The following FBXL2 variants were observed in gnomAD, a reference collection of about 807,000 sequenced individuals.
The protein encoded by FBXL2 is F-box/LRR-repeat protein 2.
FBXL2 carries 38 observed loss-of-function variants against 69.2 expected under a neutral mutation model. The ratio of observed to expected loss-of-function variants is 0.55; its 90% confidence interval spans 0.42 to 0.72. The LOEUF is 0.72. Among genes scored for constraint, FBXL2 ranks in the 30% least tolerant of loss-of-function variants. The pLI is 0.00. For synonymous variants in FBXL2, 192 were observed against 201.3 expected, an observed-to-expected ratio of 0.95 and a Z score of 0.39; for missense variants, 354 against 520.3, an observed-to-expected ratio of 0.68 and a Z score of 3.11.
the FBXL2 span, chr3:33,409,666 C>G: frequency 6.2e-7 from 1 of 1,600,022 alleles, no homozygotes; most frequent in Non-Finnish European, 8.6e-7. Flanking sequence ...CTATTTTGTT[C>G]CCTCTTGAGT....
At chr3:33,285,524 A>G (rs1003378494) in intron 1 of FBXL2, among the ~76,000 whole-genome samples, 7 of 152,066 alleles carry the variant, frequency 4.6e-5, no homozygotes, top group African/African-American at 1.2e-4. Context: ...GTGTCTTGGT[A>G]TTGCTCTTCT....
chr3:33,288,983 G>A (rs942105563), intron 1 of FBXL2, among the ~76,000 whole-genome samples: 4 of 152,148 alleles, frequency 2.6e-5, no homozygotes, highest in Admixed American at 6.5e-5. Flanking sequence ...GATGATTTGA[G>A]CCTGAGCAAG....
chr3:33,334,205 T>C (rs1404699074), intron 2 of FBXL2, among the ~76,000 whole-genome samples: 1 of 152,066 alleles, frequency 6.6e-6, no homozygotes, highest in Non-Finnish European at 1.5e-5. Context: ...CAAGAGAAAA[T>C]AGTCAATGTA....
In FBXL2 at chr3:33,373,263, G is replaced by A. The variant is rs760589936; in HGVS notation, c.363G>A (p.Thr121=). The A allele has an allele frequency of 2.4e-5, 38 of 1,613,924 alleles. No homozygotes were observed. The South Asian group carries it at 2.7e-4, about 12-fold the overall frequency. ...LNGCTKITDS[T]CYSLSRFCSK... is the part of the protein sequence containing the mutation. ...TAGTGCGTCTGCTCTTTTTCAGCAC[G>A]TGTTATAGCCTTAGCAGATTCTGTT... The change falls in exon 7 of 15, where the codon ACG becomes ACA. Residue 121 remains threonine, a synonymous_variant. Coordinates refer to ENST00000484457, the MANE Select transcript of FBXL2 (RefSeq NM_012157.5).
chr3:33,360,887 C>T (rs946779583), intron 4 of FBXL2, among the ~76,000 whole-genome samples: 1 of 147,566 alleles, frequency 6.8e-6, no homozygotes, highest in African/African-American at 2.5e-5. Flanking sequence ...CTTTTCCAAC[C>T]ATACAACTTT....
chr3:33,286,174 T>C (rs1179794392), intron 1 of FBXL2, among the ~76,000 whole-genome samples: 1 of 152,248 alleles, frequency 6.6e-6, no homozygotes, highest in Non-Finnish European at 1.5e-5. Context: ...TGGTTTTATC[T>C]ACCTTTGGTC....
rs1225480180 is a variant in FBXL2 at position 33,340,509 on chromosome 3, G to A, written c.66-18458G>A. On this transcript the variant is annotated intron_variant, in intron 2 of 14. Transcript: ENST00000484457. ...AAAGACAGCCAAGTAAACTGAAAGA[G>A]TTCTTTGAAAGGTACTCAGGAACCA... Among the ~76,000 whole-genome samples the A allele has an allele frequency of 2.1e-5, 3 of 145,838 alleles. No homozygotes were observed. In the East Asian group the frequency reaches 6.3e-4, roughly 30 times the overall value.
chr3:33,419,461 C>G, the FBXL2 span, among the ~76,000 whole-genome samples: 1 of 152,120 alleles, frequency 6.6e-6, no homozygotes. Flanking sequence ...AACCCCGTCT[C>G]TACTAAAAAT....
chr3:33,304,047 A>C (rs1166943149), intron 2 of FBXL2, among the ~76,000 whole-genome samples: 1 of 152,026 alleles, frequency 6.6e-6, no homozygotes, highest in Non-Finnish European at 1.5e-5. Flanking sequence ...TGCTAAATGT[A>C]TGTATTCACA....
intron 2 of FBXL2, among the ~76,000 whole-genome samples, chr3:33,324,389 C>T (rs1293083544): frequency 6.6e-6 from 1 of 152,132 alleles, no homozygotes; most frequent in Non-Finnish European, 1.5e-5. Flanking sequence ...TGCCTATGTC[C>T]TGAATGGTAT....
chr3:33,311,108 C>T (rs192159098), intron 2 of FBXL2, among the ~76,000 whole-genome samples: 82 of 152,306 alleles, frequency 5.4e-4, no homozygotes, highest in Non-Finnish European at 9.6e-4. Flanking sequence ...TCATCCTATT[C>T]TCTTGTAGAT....
At chr3:33,289,300 G>T (rs980991105) in intron 1 of FBXL2, among the ~76,000 whole-genome samples, 1 of 152,052 alleles carries the variant, frequency 6.6e-6, no homozygotes, top group African/African-American at 2.4e-5. Context: ...CTGAACCTTG[G>T]TCAAGTCATT....
chr3:33,327,211 A>T (rs1330142040), intron 2 of FBXL2, among the ~76,000 whole-genome samples: 1 of 152,188 alleles, frequency 6.6e-6, no homozygotes, highest in Non-Finnish European at 1.5e-5. Context: ...AGCTGTTATA[A>T]TCATCTTGAT....
At chr3:33,416,560 G>T in the FBXL2 span, among the ~76,000 whole-genome samples, 4 of 152,224 alleles carry the variant, frequency 2.6e-5, no homozygotes, top group East Asian at 7.7e-4. Flanking sequence ...ATTGCTCCTT[G>T]ATTTCCAAGG....
intron 1 of FBXL2, among the ~76,000 whole-genome samples, chr3:33,279,528 C>G (rs2033732763): frequency 1.3e-5 from 2 of 152,164 alleles, no homozygotes; most frequent in Admixed American, 6.5e-5. Context: ...CTTGGCCTCC[C>G]AAGCTGGGAT....
At chr3:33,422,545 C>G in the FBXL2 span, among the ~76,000 whole-genome samples, 4 of 151,924 alleles carry the variant, frequency 2.6e-5, no homozygotes, top group African/African-American at 9.7e-5. Flanking sequence ...ATAGTGAGAT[C>G]CGCCATCTCT....
intron 5 of FBXL2, among the ~76,000 whole-genome samples, chr3:33,369,895 G>A (rs2042180589): frequency 6.6e-6 from 1 of 152,180 alleles, no homozygotes; most frequent in African/African-American, 2.4e-5. Context: ...TTACAGGCAT[G>A]AGCCACAGTG....
chr3:33,294,252 A>G (rs2035531821), intron 1 of FBXL2, among the ~76,000 whole-genome samples: 1 of 151,970 alleles, frequency 6.6e-6, no homozygotes, highest in Non-Finnish European at 1.5e-5. Flanking sequence ...ACATGCCACC[A>G]TGCCCTGCTG....
chr3:33,392,888 G>C (rs758252792), downstream of FBXL2: 1 of 380,016 alleles, frequency 2.6e-6, no homozygotes, highest in Non-Finnish European at 4.7e-6. Context: ...ATGATGACTC[G>C]AACAAAAATT....
Sources: gnomAD v4.1 joint callset for allele counts (sites outside exome capture counted in the v4.1 genomes callset) on GRCh38, gnomAD v4.1.1 for gene constraint, MANE v1.5 for transcripts, NCBI Gene and HGNC (gene_info 2026-07-23, HGNC 2026-07-21) for gene names.